SGIP1: variants seen among roughly 807,000 people sequenced by gnomAD.
SGIP1 encodes SH3GL interacting endocytic adaptor 1.
SGIP1 carries 38 observed loss-of-function variants against 107.5 expected under a neutral mutation model. That is an observed-to-expected ratio of 0.35 (90% confidence interval 0.27 to 0.46). The LOEUF (loss-of-function observed/expected upper bound fraction) is 0.46, where lower values mean the gene tolerates loss of function less well. SGIP1 is among the 20% of genes least tolerant of loss of function. The pLI, the probability that SGIP1 is intolerant of heterozygous loss-of-function variation, is 1.00. For missense variants in SGIP1, 929 were observed against 1,019.5 expected, an observed-to-expected ratio of 0.91 and a Z score of 1.21; for synonymous variants, 365 against 366.1, an observed-to-expected ratio of 1.00 and a Z score of 0.03.
At chr1:66,637,105 G>T (rs1303964304) in intron 4 of SGIP1, among the ~76,000 whole-genome samples, 1 of 152,062 alleles carries the variant, frequency 6.6e-6, no homozygotes, top group Non-Finnish European at 1.5e-5. Context: ...AAAAATCGTT[G>T]TTTATATGTT....
chr1:66,590,487 G>A (rs562274130), intron 1 of SGIP1: 1 of 152,078 alleles, frequency 6.6e-6, no homozygotes, highest in Non-Finnish European at 1.5e-5. Context: ...GCCCAGCCTG[G>A]AGTGCAGTGG....
At chr1:66,572,041 C>T (rs2060452256) in intron 1 of SGIP1, among the ~76,000 whole-genome samples, 1 of 152,044 alleles carries the variant, frequency 6.6e-6, no homozygotes, top group African/African-American at 2.4e-5. Flanking sequence ...GCCAATGTCT[C>T]TCTGTCTCTG....
intron 16 of SGIP1, among the ~76,000 whole-genome samples, chr1:66,689,764 A>G (rs1265599218): frequency 6.6e-6 from 1 of 152,238 alleles, no homozygotes; most frequent in African/African-American, 2.4e-5. Flanking sequence ...TGAACAATTA[A>G]GAGAGACTTG....
chr1:66,671,668 T>G (rs971855481), intron 10 of SGIP1, among the ~76,000 whole-genome samples: 1 of 152,212 alleles, frequency 6.6e-6, no homozygotes, highest in Non-Finnish European at 1.5e-5. Context: ...GTGTGCTCTT[T>G]CACTAAGTGC....
rs1479297873 is a variant in SGIP1 at position 66,693,284 on chromosome 1, A to AAATAAATAAATAAATG, written c.1571-2148_1571-2147insTAAATAAATAAATGAA. Among the ~76,000 whole-genome samples the AAATAAATAAATAAATG allele has an allele frequency of 6.6e-3, 1,001 of 151,374 alleles. 14 individuals carry two copies. Among genetic ancestry groups the AAATAAATAAATAAATG allele is most frequent in the African/African-American group, 0.023 (956 of 41,292 alleles). On this transcript the variant is annotated intron_variant, in intron 17 of 24. Transcript: ENST00000371037. Reference sequence around the variant, plus strand: ...TAAATAAATAAATAAATAAATAAATAAAAAACAGTAATTTCTTTTGCACTA... The same window carrying AAATAAATAAATAAATG: ...TAAATAAATAAATAAATAAATAAATAAATAAATAAATAAATGAAAAACAGTAATTTCTTTTGCACTA...
intron 1 of SGIP1, among the ~76,000 whole-genome samples, chr1:66,536,628 C>T (rs2147960715): frequency 6.6e-6 from 1 of 152,294 alleles, no homozygotes; most frequent in East Asian, 1.9e-4. Flanking sequence ...ACATCTACCA[C>T]AATAACCTTG....
At chr1:66,741,146 C>T (rs574041841) in intron 23 of SGIP1, 126 bp from the exon 24 acceptor site, 1 of 996,042 alleles carries the variant, frequency 1.0e-6, no homozygotes, top group Non-Finnish European at 1.4e-6. Flanking sequence ...ATGATAAACT[C>T]ATTTAATCAC....
chr1:66,547,188 A>C (rs1257924580), intron 1 of SGIP1, among the ~76,000 whole-genome samples: 2 of 152,122 alleles, frequency 1.3e-5, no homozygotes, highest in Non-Finnish European at 2.9e-5. Context: ...CCCTTTCCAC[A>C]TATCCTCAAA....
intron 8 of SGIP1, among the ~76,000 whole-genome samples, chr1:66,661,995 T>C (rs2081588534): frequency 6.6e-6 from 1 of 152,154 alleles, no homozygotes; most frequent in Non-Finnish European, 1.5e-5. Flanking sequence ...TTTTAGAAGA[T>C]CATCTCAAAT....
intron 1 of SGIP1, among the ~76,000 whole-genome samples, chr1:66,589,069 C>A (rs2063135789): frequency 6.7e-6 from 1 of 149,540 alleles, no homozygotes; most frequent in African/African-American, 2.5e-5. Flanking sequence ...TAAATTATAT[C>A]TTACATTCTG....
At chr1:66,731,999 G>A (rs570366354) in intron 20 of SGIP1, among the ~76,000 whole-genome samples, 29 of 152,194 alleles carry the variant, frequency 1.9e-4, no homozygotes, top group Non-Finnish European at 3.4e-4. Flanking sequence ...CTCTGTGTAA[G>A]CATTTGATTG....
At chr1:66,628,958 A>C (rs1205121286) in intron 2 of SGIP1, among the ~76,000 whole-genome samples, 1 of 152,228 alleles carries the variant, frequency 6.6e-6, no homozygotes, top group East Asian at 1.9e-4. Flanking sequence ...GTTTAGTATA[A>C]GCCTTTGCTT....
intron 1 of SGIP1, among the ~76,000 whole-genome samples, chr1:66,571,624 A>T (rs1024722969): frequency 3.0e-4 from 45 of 151,982 alleles, no homozygotes; most frequent in African/African-American, 1.0e-3. Context: ...TAAAATTTTT[A>T]AAATTGTTCA....
chr1:66,557,643 C>T (rs928668630), intron 1 of SGIP1, among the ~76,000 whole-genome samples: 1 of 151,866 alleles, frequency 6.6e-6, no homozygotes, highest in Non-Finnish European at 1.5e-5. Flanking sequence ...GAGTAGGTAA[C>T]GAAAAGGAGG....
At chr1:66,541,550 C>G (rs1261143416) in intron 1 of SGIP1, among the ~76,000 whole-genome samples, 1 of 152,198 alleles carries the variant, frequency 6.6e-6, no homozygotes, top group Non-Finnish European at 1.5e-5. Context: ...ATGTAAATGC[C>G]ATGAAAGTGT....
At chr1:66,702,841 TGAA>T (rs2092091303) in intron 18 of SGIP1, among the ~76,000 whole-genome samples, 2 of 152,210 alleles carry the variant, frequency 1.3e-5, no homozygotes, top group African/African-American at 4.8e-5. Flanking sequence ...TGCTCAAGAT[TGAA>T]GCCTTTCACT....
At chr1:66,639,114 G>T (rs17129236) in intron 4 of SGIP1, among the ~76,000 whole-genome samples, 2,363 of 152,286 alleles carry the variant, frequency 0.016, 58 homozygotes, top group African/African-American at 0.051. Flanking sequence ...CAGTAAACTT[G>T]CAATGATGCG....
chr1:66,561,942 G>T (rs1413209199), intron 1 of SGIP1, among the ~76,000 whole-genome samples: 1 of 151,956 alleles, frequency 6.6e-6, no homozygotes. Flanking sequence ...ATTAAATTTT[G>T]CTTCCCGTTT....
At chr1:66,732,937 T>C (rs962472043) in intron 20 of SGIP1, among the ~76,000 whole-genome samples, 1 of 152,208 alleles carries the variant, frequency 6.6e-6, no homozygotes, top group Admixed American at 6.5e-5. Flanking sequence ...GAATCACTTG[T>C]GGCCTCAGCT....
Sources: gnomAD v4.1 joint callset for allele counts (sites outside exome capture counted in the v4.1 genomes callset) on GRCh38, gnomAD v4.1.1 for gene constraint, MANE v1.5 for transcripts, NCBI Gene and HGNC (gene_info 2026-07-23, HGNC 2026-07-21) for gene names.